The following SLC16A4 variants were observed in gnomAD, a reference collection of about 807,000 sequenced individuals.
SLC16A4 encodes probable monocarboxylate transporter 5.
A neutral mutation model predicts 47.9 loss-of-function variants in SLC16A4; 39 were observed. That is an observed-to-expected ratio of 0.81 (90% confidence interval 0.63 to 1.06). The LOEUF (loss-of-function observed/expected upper bound fraction) is 1.06. SLC16A4 is among the 50% of genes least tolerant of loss of function. The pLI is 0.00. For synonymous variants in SLC16A4, 189 were observed against 199.9 expected, an observed-to-expected ratio of 0.95 and a Z score of 0.46; for missense variants, 524 against 573.8, an observed-to-expected ratio of 0.91 and a Z score of 0.89.
chr1:110,386,706 A>C (rs1319937302), intron 2 of SLC16A4, among the ~76,000 whole-genome samples: 1 of 152,166 alleles, frequency 6.6e-6, no homozygotes, highest in Non-Finnish European at 1.5e-5. Context: ...AGTTAGTTTT[A>C]TCTAATAACA....
At chr1:110,380,073 AGC>A (rs1557910275) in intron 5 of SLC16A4, among the ~76,000 whole-genome samples, 10 of 150,362 alleles carry the variant, frequency 6.7e-5, no homozygotes, top group African/African-American at 1.7e-4. Flanking sequence ...AAAAAAAAAA[AGC>A]AGCGGGAGGG....
In SLC16A4 at chr1:110,375,864, A is replaced by G. The variant is rs140137827; in HGVS notation, c.1243-313T>C. 2.0e-5 allele frequency among the ~76,000 whole-genome samples: 3 copies of G among 152,196 alleles called. No homozygotes were observed. In the East Asian group the frequency reaches 5.8e-4, roughly 29 times the overall value. Reference sequence around the variant, plus strand: ...TGCTTTTCTCTTATTAGGAAATGATATTTACAATATGAATTAATAGTGATA... The same window carrying G: ...TGCTTTTCTCTTATTAGGAAATGATGTTTACAATATGAATTAATAGTGATA... On this transcript the variant is annotated intron_variant, in intron 7 of 8. Coordinates refer to ENST00000369779, the MANE Select transcript of SLC16A4 (RefSeq NM_004696.3).
At chr1:110,378,820 T>C (rs1662173522) in intron 6 of SLC16A4, 33 bp downstream of exon 6, 1 of 1,549,418 alleles carries the variant, frequency 6.5e-7, no homozygotes, top group African/African-American at 1.4e-5. Context: ...TGATCTTTCC[T>C]TTTGGGTAGG....
Position 110,364,520 on chromosome 1 carries a change from T to TTG in SLC16A4, c.1337-628_1337-627insCA, listed in dbSNP as rs1661267057. On this transcript the variant is annotated intron_variant, in intron 8 of 8. Coordinates refer to ENST00000369779, the MANE Select transcript of SLC16A4 (RefSeq NM_004696.3). ...AATGCTTTTTTTTTTTTTTTTTTTT[T>TTG]GAGACAGAGGCTTGCTCTGTCACCC... Among the ~76,000 whole-genome samples the TTG allele has an allele frequency of 1.9e-5, 2 of 107,200 alleles. 1 individual carries two copies. Among genetic ancestry groups the TTG allele is most frequent in the African/African-American group, 6.4e-5 (2 of 31,260 alleles). The allele number at this position is 107,200 out of a possible 152,430, so 70.3% of individuals were successfully genotyped here. A position where few individuals can be genotyped will look rare whatever the true frequency, so the allele number is the denominator to read the frequency against.
intron 8 of SLC16A4, among the ~76,000 whole-genome samples, chr1:110,366,159 C>CT (rs902008865): frequency 2.1e-4 from 26 of 122,786 alleles, no homozygotes; most frequent in Admixed American, 6.5e-4. Flanking sequence ...CACTCACTCA[C>CT]TTTTTTTTTT....
At chr1:110,375,111 C>T (rs887534031) in intron 8 of SLC16A4, 14 of 182,394 alleles carry the variant, frequency 7.7e-5, no homozygotes, top group African/African-American at 2.6e-4. Flanking sequence ...GAATTACAGG[C>T]GTGAGCAATT....
At chr1:110,380,839 C>G (rs1157156434) in intron 5 of SLC16A4, 143 bp downstream of exon 5, 2 of 721,262 alleles carry the variant, frequency 2.8e-6, no homozygotes, top group African/African-American at 1.8e-5. Flanking sequence ...AGCATGTTTA[C>G]TTTAGAAATT....
In SLC16A4 at chr1:110,382,126, C is replaced by CA. The variant is rs571839888; in HGVS notation, c.221-332dup. Among the ~76,000 whole-genome samples the CA allele has an allele frequency of 1.1e-3, 173 of 152,270 alleles. 1 individual carries two copies. Among genetic ancestry groups the CA allele is most frequent in the South Asian group, 5.6e-3 (27 of 4,828 alleles). The stretch of plus-strand genomic sequence containing the variant: ...AGGTTGAATCACTTATCTGCTCTTC[C>CA]ACCCTGTTACAGCTCCAAATAAAAG... On this transcript the variant is annotated intron_variant, in intron 3 of 8. Transcript: ENST00000369779.
intron 2 of SLC16A4, among the ~76,000 whole-genome samples, chr1:110,385,521 C>G (rs1480738519): frequency 6.6e-6 from 1 of 152,192 alleles, no homozygotes; most frequent in Non-Finnish European, 1.5e-5. Context: ...TTTCCCTTAT[C>G]CTATGCCTAC....
chr1:110,364,160 C>T (rs1459540008), intron 8 of SLC16A4, among the ~76,000 whole-genome samples: 9 of 151,958 alleles, frequency 5.9e-5, no homozygotes, highest in Middle Eastern at 3.2e-3. Flanking sequence ...ATTAGAAGGC[C>T]GCTATTATGA....
chr1:110,389,641 G>A (rs546161576), intron 1 of SLC16A4, among the ~76,000 whole-genome samples: 1 of 152,288 alleles, frequency 6.6e-6, no homozygotes, highest in East Asian at 1.9e-4. Context: ...CAAAGACATG[G>A]AATCAACCTA....
At chr1:110,378,506 AC>A (rs1363114983) in intron 6 of SLC16A4, among the ~76,000 whole-genome samples, 1 of 152,214 alleles carries the variant, frequency 6.6e-6, no homozygotes, top group Non-Finnish European at 1.5e-5. Flanking sequence ...TGTGCTGTCT[AC>A]CTGGGGTTTT....
At chr1:110,372,213 T>C (rs1001145062) in intron 8 of SLC16A4, 8 of 152,214 alleles carry the variant, frequency 5.3e-5, no homozygotes, top group African/African-American at 1.9e-4. Flanking sequence ...ATGGCTGAAA[T>C]GTTACCATTT....
intron 3 of SLC16A4, 53 bp downstream of exon 3, chr1:110,382,781 T>G: frequency 6.9e-7 from 1 of 1,453,744 alleles, no homozygotes; most frequent in African/African-American, 1.4e-5. Flanking sequence ...AATCTTGGAA[T>G]TGCCCTTTGT....
chr1:110,389,308 C>T lies in SLC16A4; in HGVS notation c.16G>A (p.Gly6Arg). 1 of 1,612,224 alleles carries T rather than the reference C, an allele frequency of 6.2e-7. No homozygotes were observed. Among genetic ancestry groups the T allele is most frequent in the Non-Finnish European group, 8.5e-7 (1 of 1,178,256 alleles). The change falls in exon 2 of 9, where the codon GGG (glycine) becomes AGG (arginine). Residue 6 changes from glycine to arginine, a missense_variant. Gly to Arg is a moderately radical substitution (Grantham distance 125, BLOSUM62 -2). Coordinates refer to ENST00000369779, the MANE Select transcript of SLC16A4 (RefSeq NM_004696.3). MLKRE[G>R]KVQPYTKTLD... Reference sequence around the variant, plus strand: ...GTTTTAGTGTAAGGTTGGACCTTCCCCTCCCTCTTCAGCATGATGCCTCTT... The same window carrying T: ...GTTTTAGTGTAAGGTTGGACCTTCCTCTCCCTCTTCAGCATGATGCCTCTT...
intron 8 of SLC16A4, among the ~76,000 whole-genome samples, chr1:110,366,125 C>CACACAA (rs1661368101): frequency 7.0e-6 from 1 of 143,762 alleles, no homozygotes. Flanking sequence ...CACACACACA[C>CACACAA]ACACACACTC....
At position 110,379,349 on chromosome 1, in the gene SLC16A4, A is replaced by AATTT. The variant is rs748856309; in HGVS notation, c.533_534insAAAT (p.Ile179AsnfsTer15). The AATTT allele has an allele frequency of 6.1e-5, 98 of 1,595,822 alleles. 1 individual carries two copies. In the South Asian group the frequency reaches 1.1e-3, roughly 17 times the overall value. On this transcript the variant is annotated frameshift_variant, in exon 6 of 9. Coordinates refer to ENST00000369779, the MANE Select transcript of SLC16A4 (RefSeq NM_004696.3). LOFTEE classifies it high-confidence loss of function. ...TCAATGCGATAGCTCCAAATAATAT[A>AATTT]AGGGCTCCTAAATAGGGAGAGATTG... is the stretch of plus-strand genomic sequence containing the variant.
At chr1:110,378,626 A>C (rs956666335) in intron 6 of SLC16A4, among the ~76,000 whole-genome samples, 2 of 152,228 alleles carry the variant, frequency 1.3e-5, no homozygotes, top group Non-Finnish European at 2.9e-5. Context: ...AAGATGAATA[A>C]GACTTGATTT....
intron 6 of SLC16A4, among the ~76,000 whole-genome samples, 167 bp from the exon 7 acceptor site, chr1:110,377,328 C>T (rs1434419887): frequency 6.6e-6 from 1 of 152,092 alleles, no homozygotes; most frequent in Non-Finnish European, 1.5e-5. Context: ...TTACCTATTC[C>T]AAATACATTT....
Sources: allele counts gnomAD v4.1 joint callset (sites outside exome capture counted in the v4.1 genomes callset), GRCh38; gene constraint gnomAD v4.1.1; transcripts MANE v1.5; gene names NCBI Gene and HGNC (gene_info 2026-07-23, HGNC 2026-07-21).